The following LOXHD1 variants were observed in gnomAD, a reference collection of about 807,000 sequenced individuals.
The protein encoded by LOXHD1 is lipoxygenase homology domain-containing protein 1.
LOXHD1 carries 205 observed loss-of-function variants against 248.2 expected under a neutral mutation model. The observed-to-expected ratio is 0.83, with a 90% CI of 0.74 to 0.93. The LOEUF (loss-of-function observed/expected upper bound fraction) is 0.93. Among genes scored for constraint, LOXHD1 ranks in the 40% least tolerant of loss-of-function variants. LOXHD1 has a pLI of 0.00. For synonymous variants in LOXHD1, 1,113 were observed against 1,162.8 expected (o/e 0.96, Z 0.87); for missense variants, 2,930 against 2,971.6 (o/e 0.99, Z 0.33).
chr18:46,579,578 G>A (rs1342890497), intron 13 of LOXHD1, 52 bp downstream of exon 13: 13 of 1,549,568 alleles, frequency 8.4e-6, no homozygotes, highest in African/African-American at 1.4e-5. Flanking sequence ...GAGGGAACAT[G>A]GGAAGGGAAC....
chr18:46,567,345 T>C (rs1431661025), intron 16 of LOXHD1, among the ~76,000 whole-genome samples: 2 of 152,246 alleles, frequency 1.3e-5, no homozygotes, highest in Non-Finnish European at 2.9e-5. Context: ...CTGCTCTTGC[T>C]CTTCTGAGTC....
intron 37 of LOXHD1, among the ~76,000 whole-genome samples, chr18:46,495,558 G>A (rs375997500): frequency 1.3e-5 from 2 of 152,176 alleles, no homozygotes; most frequent in East Asian, 3.8e-4. Flanking sequence ...TTCAATGTTA[G>A]CACCAATAAT....
intron 33 of LOXHD1, 83 bp from the exon 34 acceptor site, chr18:46,518,339 A>G (rs2035379705): frequency 6.8e-7 from 1 of 1,476,546 alleles, no homozygotes; most frequent in Non-Finnish European, 9.2e-7. Flanking sequence ...CCAGAGAAAG[A>G]GACACACTGT....
At chr18:46,601,193 G>T in intron 8 of LOXHD1, 24 bp downstream of exon 8, 1 of 1,543,656 alleles carries the variant, frequency 6.5e-7, no homozygotes. Context: ...ATCAGGGAAG[G>T]CTGTCTCTGG....
chr18:46,517,347 A>G (rs1001923512), intron 34 of LOXHD1, among the ~76,000 whole-genome samples: 8 of 152,156 alleles, frequency 5.3e-5, no homozygotes, highest in Non-Finnish European at 8.8e-5. Flanking sequence ...CCATCTGGGT[A>G]TAGTTTGCAG....
At chr18:46,505,815 A>G (rs1054406425) in intron 37 of LOXHD1, 23 bp downstream of exon 37, 2 of 1,551,228 alleles carry the variant, frequency 1.3e-6, no homozygotes, top group Non-Finnish European at 1.7e-6. Flanking sequence ...CCTCCCACCA[A>G]CCTGGCCTTG....
chr18:46,552,218 A>AT (rs533050124), intron 21 of LOXHD1, among the ~76,000 whole-genome samples: 11 of 150,914 alleles, frequency 7.3e-5, no homozygotes, highest in South Asian at 2.1e-4. Context: ...TTCTTACACA[A>AT]TTTTTTTTTT....
At chr18:46,527,461 C>T (rs184414835) in intron 29 of LOXHD1, among the ~76,000 whole-genome samples, 5 of 152,300 alleles carry the variant, frequency 3.3e-5, no homozygotes, top group East Asian at 1.9e-4. Flanking sequence ...ATTCAGTTGA[C>T]CTTCACAGTA....
Position 46,579,672 on chromosome 18 carries a change from G to A in LOXHD1, c.1767C>T (p.Leu589=). The change falls in exon 13 of 41, where the codon CTC becomes CTT. Residue 589 remains leucine (L), a synonymous_variant. Transcript: ENST00000642948. ...GDVGDTGERL[L]YNCRNNTDLF... ...GGTCTGTGTTATTCCTGCAGTTGTA[G>A]AGCAGCCGTTCCCCCGTGTCCCCCA... 7 of 1,551,716 alleles carry A rather than the reference G, an allele frequency of 4.5e-6. No homozygotes were observed. The highest frequency in any genetic ancestry group is 6.1e-6 in the Non-Finnish European group (7 of 1,147,004).
chr18:46,646,327 G>C (rs2039029566), intron 2 of LOXHD1, among the ~76,000 whole-genome samples: 1 of 152,168 alleles, frequency 6.6e-6, no homozygotes, highest in African/African-American at 2.4e-5. Context: ...TATGTTCTGG[G>C]TTGCATGGGC....
intron 23 of LOXHD1, chr18:46,544,690 A>C: frequency 1.0e-5 from 4 of 392,420 alleles, no homozygotes; most frequent in South Asian, 7.9e-5. Context: ...TCACACAGCT[A>C]ATAAATGGTG....
At chr18:46,603,506 G>A (rs1042665164) in intron 7 of LOXHD1, among the ~76,000 whole-genome samples, 1 of 152,120 alleles carries the variant, frequency 6.6e-6, no homozygotes, top group Non-Finnish European at 1.5e-5. Flanking sequence ...CAATATCAAC[G>A]TTGATTTTCT....
chr18:46,614,064 AAAC>A, intron 5 of LOXHD1, among the ~76,000 whole-genome samples: 1 of 152,318 alleles, frequency 6.6e-6, no homozygotes, highest in South Asian at 2.1e-4. Flanking sequence ...AAAAGTCAGG[AAAC>A]AACAAGTGCT....
In LOXHD1 at chr18:46,580,287, G is replaced by T. The variant is rs901723494; in HGVS notation, c.1655-503C>A. 2.0e-5 allele frequency among the ~76,000 whole-genome samples: 3 copies of T among 152,268 alleles called. No individual in the cohort carries two copies. The Middle Eastern group carries it at 0.01, about 518-fold the overall frequency. ...CATCCCAGTAAACCTTTTGCCTTAG[G>T]TTGTTCTCCAACTTCTATGTGTTCT... On this transcript the variant is annotated intron_variant, in intron 12 of 40. Transcript: ENST00000642948.
chr18:46,620,381 TG>T (rs1479789243), intron 4 of LOXHD1, among the ~76,000 whole-genome samples: 3 of 152,150 alleles, frequency 2.0e-5, no homozygotes, highest in African/African-American at 7.2e-5. Flanking sequence ...TTCTGAAGGT[TG>T]CATCAGTCCA....
chr18:46,525,988 G>T lies in LOXHD1; in HGVS notation c.4531-1071C>A, dbSNP rs540861769. Among the ~76,000 whole-genome samples the T allele has an allele frequency of 5.9e-5, 9 of 152,304 alleles. No individual in the cohort carries two copies. The East Asian group carries it at 1.4e-3, about 23-fold the overall frequency. On this transcript the variant is annotated intron_variant, in intron 29 of 40. Transcript: ENST00000642948. ...GTCAGCATTAAGCTGCAGCTGGGGG[G>T]CTGGGCTTTCCAGGCAGCTCAGGTA...
At chr18:46,649,351 C>G (rs1481681069) in intron 1 of LOXHD1, 82 bp from the exon 2 acceptor site, 6 of 1,210,672 alleles carry the variant, frequency 5.0e-6, no homozygotes, top group Non-Finnish European at 7.0e-6. Context: ...CCAGCCCTTG[C>G]TGGGGAGGCC....
intron 5 of LOXHD1, among the ~76,000 whole-genome samples, chr18:46,611,820 T>A (rs2038513142): frequency 6.6e-6 from 1 of 152,182 alleles, no homozygotes; most frequent in Non-Finnish European, 1.5e-5. Context: ...GTCCATCTCT[T>A]CCCTTCTACT....
Position 46,477,290 on chromosome 18 carries a change from T to C in LOXHD1, c.*182A>G. ...GCCACAGATTATGACACATGCTAAT[T>C]ATTATCACTGTAGGTTCAATAAACT... On this transcript the variant is annotated 3_prime_UTR_variant, in exon 41 of 41. Coordinates refer to ENST00000642948, the MANE Select transcript of LOXHD1 (RefSeq NM_001384474.1). 1.2e-6 allele frequency: 1 copy of C among 840,464 alleles called. No homozygotes were observed. The highest frequency in any genetic ancestry group is 2.0e-6 in the Non-Finnish European group (1 of 499,116). The allele number at this position is 840,464 out of a possible 1,614,324, so 52.1% of individuals were successfully genotyped here.
Sources: allele counts gnomAD v4.1 joint callset (sites outside exome capture counted in the v4.1 genomes callset), GRCh38; gene constraint gnomAD v4.1.1; transcripts MANE v1.5; gene names NCBI Gene and HGNC (gene_info 2026-07-23, HGNC 2026-07-21).